Variants in TBC1D31 observed in about 807,000 individuals in gnomAD.
TBC1D31 encodes TBC1 domain family member 31.
Under a neutral mutation model 132.9 loss-of-function variants are expected in TBC1D31, and 99 were observed. That is an observed-to-expected ratio of 0.74 (90% CI 0.63 to 0.88). The LOEUF (loss-of-function observed/expected upper bound fraction) is 0.88. Ranked by LOEUF, TBC1D31 falls within the 40% of genes least tolerant of loss-of-function variation. The pLI is 0.00. For synonymous variants in TBC1D31, 385 were observed against 419.4 expected, an observed-to-expected ratio of 0.92 and a Z score of 1.00; for missense variants, 1,134 against 1,256.6, an observed-to-expected ratio of 0.90 and a Z score of 1.48.
chr8:123,156,601 T>C (rs968684487), downstream of TBC1D31, among the ~76,000 whole-genome samples: 2 of 152,132 alleles, frequency 1.3e-5, no homozygotes, highest in African/African-American at 4.8e-5. Context: ...GGCTGAGTTA[T>C]CAAGAACGTA....
the TBC1D31 span, among the ~76,000 whole-genome samples, chr8:123,163,131 G>T: frequency 6.0e-5 from 9 of 151,242 alleles, no homozygotes; most frequent in Non-Finnish European, 1.0e-4. Flanking sequence ...GGCCCATTGG[G>T]TATATTTTTA....
downstream of TBC1D31, among the ~76,000 whole-genome samples, chr8:123,154,176 G>T (rs1330758504): frequency 1.3e-5 from 2 of 152,228 alleles, no homozygotes; most frequent in Non-Finnish European, 2.9e-5. Flanking sequence ...GTGCTTATCT[G>T]AGAGTCTGGA....
At chr8:123,155,746 C>A (rs1822971239), downstream of TBC1D31, among the ~76,000 whole-genome samples, 1 of 152,126 alleles carries the variant, frequency 6.6e-6, no homozygotes, top group Admixed American at 6.5e-5. This position sits in a 1 kb window ranked among gnomAD's most constrained non-coding sequence, Gnocchi z 4.1. Context: ...ATTCTTTAAC[C>A]CTTCCCCAAA....
chr8:123,094,466 G>A (rs943350536), intron 5 of TBC1D31, among the ~76,000 whole-genome samples: 9 of 152,246 alleles, frequency 5.9e-5, no homozygotes, highest in African/African-American at 1.9e-4. Flanking sequence ...ATCTCTGAAA[G>A]ATAAGGGCGC....
At chr8:123,157,307 A>G in the TBC1D31 span, among the ~76,000 whole-genome samples, 16 of 152,276 alleles carry the variant, frequency 1.1e-4, no homozygotes, top group East Asian at 5.8e-4. Flanking sequence ...CGAGGCACCT[A>G]GTAAGGGTTT....
intron 17 of TBC1D31, among the ~76,000 whole-genome samples, chr8:123,136,121 A>G (rs1006256608): frequency 3.9e-5 from 6 of 152,154 alleles, no homozygotes; most frequent in Non-Finnish European, 7.4e-5. Context: ...CTCTTATATA[A>G]CCACCGTACA....
intron 17 of TBC1D31, among the ~76,000 whole-genome samples, chr8:123,134,654 T>G (rs1820917855): frequency 6.6e-6 from 1 of 152,192 alleles, no homozygotes; most frequent in African/African-American, 2.4e-5. Flanking sequence ...CACAGGATTG[T>G]AAGGTAGCCA....
At chr8:123,107,847 G>T (rs1169009125) in intron 8 of TBC1D31, among the ~76,000 whole-genome samples, 1 of 152,186 alleles carries the variant, frequency 6.6e-6, no homozygotes, top group African/African-American at 2.4e-5. Context: ...ACTAATCTTT[G>T]CATTAGCACG....
intron 6 of TBC1D31, among the ~76,000 whole-genome samples, chr8:123,099,006 G>A (rs894686295): frequency 3.3e-5 from 5 of 152,248 alleles, no homozygotes; most frequent in African/African-American, 1.2e-4. Flanking sequence ...CAATCACATG[G>A]TGGCATCACT....
intron 2 of TBC1D31, among the ~76,000 whole-genome samples, chr8:123,080,525 T>C (rs1344020772): frequency 1.5e-5 from 2 of 137,494 alleles, no homozygotes; most frequent in Non-Finnish European, 3.2e-5. Flanking sequence ...TCTTTTCTTT[T>C]ATTCTTTTTT....
At chr8:123,156,887 C>A (rs1823005004), downstream of TBC1D31, among the ~76,000 whole-genome samples, 1 of 152,220 alleles carries the variant, frequency 6.6e-6, no homozygotes, top group East Asian at 1.9e-4. Context: ...GCGCTCGCAG[C>A]GCCGTCCTGG....
At chr8:123,127,334 A>G (rs1460493040) in intron 13 of TBC1D31, among the ~76,000 whole-genome samples, 1 of 132,392 alleles carries the variant, frequency 7.6e-6, no homozygotes, top group African/African-American at 3.0e-5. Context: ...GCAATGGCAC[A>G]GTCCCGGTTC....
At chr8:123,142,919 C>T (rs923063514) in intron 19 of TBC1D31, among the ~76,000 whole-genome samples, 2 of 152,042 alleles carry the variant, frequency 1.3e-5, no homozygotes, top group East Asian at 1.9e-4. Flanking sequence ...AGAAATGGTA[C>T]GTAGCTGCTA....
chr8:123,094,284 G>A (rs1014505733), intron 5 of TBC1D31, among the ~76,000 whole-genome samples: 18 of 151,922 alleles, frequency 1.2e-4, no homozygotes, highest in Middle Eastern at 3.4e-3. Flanking sequence ...GGCTGGTCTC[G>A]AACTCCTGAC....
chr8:123,108,109 C>T lies in TBC1D31; in HGVS notation c.1210-1208C>T, dbSNP rs150056026. Among the ~76,000 whole-genome samples the T allele has an allele frequency of 1.4e-3, 219 of 152,292 alleles. 7 individuals carry two copies. In the East Asian group the frequency reaches 0.033, roughly 23 times the overall value. ...AGGTTTTCCCTTCACCCTTCTCTTA[C>T]ATTGGACTACCTGTTTCTTCTTGTA... On this transcript the variant is annotated intron_variant, in intron 8 of 21. Coordinates refer to ENST00000287380, the MANE Select transcript of TBC1D31 (RefSeq NM_145647.4).
Position 123,077,251 on chromosome 8 carries a change from G to A in TBC1D31, c.218G>A (p.Gly73Glu), listed in dbSNP as rs141262757. Residue 73 changes from glycine (G) to glutamate (E), a missense_variant, in exon 2 of 22, where the codon GGA becomes GAA. Physicochemically the swap from Gly to Glu is moderately conservative, Grantham distance 98 (BLOSUM62 -2). Transcript: ENST00000287380. ...QGNIYVFDLH[G>E]NRFNLVQRTA... The stretch of plus-strand genomic sequence containing the variant: ...AATATTTATGTTTTTGACTTACATG[G>A]AAACAGGTAAGCAGATACCATTGAT... The A allele has an allele frequency of 2.8e-4, 447 of 1,610,666 alleles. No individual in the cohort carries two copies. Among genetic ancestry groups the A allele is most frequent in the Non-Finnish European group, 5.7e-5 (67 of 1,179,016 alleles).
chr8:123,121,932 A>G (rs1242171332), intron 11 of TBC1D31, among the ~76,000 whole-genome samples: 2 of 152,250 alleles, frequency 1.3e-5, no homozygotes, highest in South Asian at 2.1e-4. Flanking sequence ...ACCATCAAGC[A>G]TATGAAAAGA....
chr8:123,092,637 T>G (rs1324198236), intron 4 of TBC1D31, among the ~76,000 whole-genome samples: 2 of 151,620 alleles, frequency 1.3e-5, no homozygotes, highest in African/African-American at 4.9e-5. Context: ...AACACCCCAT[T>G]TTGTCTATGC....
chr8:123,138,058 A>G (rs1821268462), intron 17 of TBC1D31, among the ~76,000 whole-genome samples: 1 of 152,180 alleles, frequency 6.6e-6, no homozygotes, highest in Non-Finnish European at 1.5e-5. Flanking sequence ...ACCACTACCC[A>G]ATCTTTGATC....
Sources: allele counts gnomAD v4.1 joint callset (sites outside exome capture counted in the v4.1 genomes callset), GRCh38; gene constraint gnomAD v4.1.1; non-coding constraint Gnocchi (gnomAD v3.1); transcripts MANE v1.5; gene names NCBI Gene and HGNC (gene_info 2026-07-23, HGNC 2026-07-21).